The following RORC variants were observed in gnomAD, a reference collection of about 807,000 sequenced individuals.
The protein encoded by RORC is RAR related orphan receptor C.
Under a neutral mutation model 64.5 loss-of-function variants are expected in RORC, and 13 were observed. The observed-to-expected ratio is 0.20, with a 90% CI of 0.13 to 0.32. The LOEUF (loss-of-function observed/expected upper bound fraction) is 0.32, where lower values mean the gene tolerates loss of function less well. Among genes scored for constraint, RORC ranks in the 10% least tolerant of loss-of-function variants. The probability of loss-of-function intolerance (pLI) is 1.00; values close to 1 mark genes in which losing one functional copy is unlikely to be tolerated. For missense variants in RORC, 468 were observed against 669.5 expected (o/e 0.70, Z 3.32); for synonymous variants, 277 against 259.3 (o/e 1.07, Z -0.65).
intron 2 of RORC, among the ~76,000 whole-genome samples, chr1:151,822,128 C>T (rs1652016335): frequency 6.6e-6 from 1 of 152,046 alleles, no homozygotes; most frequent in Non-Finnish European, 1.5e-5. Flanking sequence ...CTCCTCCTCT[C>T]CCCACAGCCA....
chr1:151,810,668 T>C (rs934393553), intron 10 of RORC, among the ~76,000 whole-genome samples: 18 of 152,066 alleles, frequency 1.2e-4, no homozygotes, highest in African/African-American at 4.3e-4. Flanking sequence ...AGTAGCTGGG[T>C]CTACAGGCGC....
chr1:151,813,078 A>G, intron 8 of RORC, 21 bp from the exon 9 acceptor site: 2 of 1,582,566 alleles, frequency 1.3e-6, no homozygotes, highest in Non-Finnish European at 1.7e-6. Flanking sequence ...GGAAATGAGA[A>G]AAGTGAGAGA....
rs1382717202 is a variant in RORC at position 151,810,659 on chromosome 1, G to C, written c.1395+666C>G. Among the ~76,000 whole-genome samples the C allele has an allele frequency of 2.0e-5, 3 of 151,822 alleles. No homozygotes were observed. In the South Asian group the frequency reaches 6.2e-4, roughly 31 times the overall value. ...CGATTATCCTGCCTCAGCCTCCCAA[G>C]TAGCTGGGTCTACAGGCGCCTGCCA... On this transcript the variant is annotated intron_variant, in intron 10 of 10. Transcript: ENST00000318247.
chr1:151,813,106 G>T, intron 8 of RORC, 49 bp from the exon 9 acceptor site: 5 of 1,497,054 alleles, frequency 3.3e-6, no homozygotes, highest in Non-Finnish European at 3.7e-6. Context: ...GAGCGATGGT[G>T]CCCGAGGACA....
chr1:151,826,286 C>T (rs1259269039), intron 2 of RORC, among the ~76,000 whole-genome samples: 5 of 152,166 alleles, frequency 3.3e-5, no homozygotes, highest in Admixed American at 6.5e-5. Context: ...CAGCCACACG[C>T]GGTAAAAGCT....
At chr1:151,813,165 G>C in intron 8 of RORC, 74 bp downstream of exon 8, 1 of 1,499,110 alleles carries the variant, frequency 6.7e-7, no homozygotes, top group Non-Finnish European at 9.3e-7. Flanking sequence ...CCTGAAAAGA[G>C]GGTGCCCTGG....
At chr1:151,809,591 AG>A (rs1362273686) in intron 10 of RORC, among the ~76,000 whole-genome samples, 1 of 152,146 alleles carries the variant, frequency 6.6e-6, no homozygotes, top group Non-Finnish European at 1.5e-5. Context: ...GAGAGCTGGT[AG>A]GGGCCAGGGT....
At position 151,822,884 on chromosome 1, in the gene RORC, A is replaced by T. The variant is rs78973218; in HGVS notation, c.71-5604T>A. On this transcript the variant is annotated intron_variant, in intron 2 of 10. Coordinates refer to ENST00000318247, the MANE Select transcript of RORC (RefSeq NM_005060.4). ...TTCAGAAAGGACTAGCTATATGGGAACAGGAGCGCGGGCCTTGGGCTGCCC... is the reference window on the plus strand; with the variant it reads ...TTCAGAAAGGACTAGCTATATGGGATCAGGAGCGCGGGCCTTGGGCTGCCC... Among the ~76,000 whole-genome samples the T allele has an allele frequency of 3.3e-3, 508 of 152,354 alleles. 14 individuals carry two copies. The highest frequency in any genetic ancestry group is 0.028 in the Admixed American group (428 of 15,310).
rs967688329 is a variant in RORC, at chr1:151,829,328, T to C, written c.70+101A>G. The stretch of plus-strand genomic sequence containing the variant: ...TTGCCTGCCATCTCTTCCTGACTCC[T>C]CCACCTCTGTCCAACCTCAGTCCCC... On this transcript the variant is annotated intron_variant, in intron 2 of 10. Transcript: ENST00000318247. 1.0e-5 allele frequency: 12 copies of C among 1,160,800 alleles called. No individual in the cohort carries two copies. In the African/African-American group the frequency reaches 1.8e-4, roughly 17 times the overall value. The allele number at this position is 1,160,800 out of a possible 1,614,324, so 71.9% of individuals were successfully genotyped here. A position where few individuals can be genotyped will look rare whatever the true frequency, so the allele number is the denominator to read the frequency against.
Position 151,830,780 on chromosome 1 carries a change from CG to C in RORC, c.40+944del, listed in dbSNP as rs1342301298. 1 of 410,256 alleles carries C rather than the reference CG, an allele frequency of 2.4e-6. No homozygotes were observed. Among genetic ancestry groups the C allele is most frequent in the Non-Finnish European group, 4.4e-6 (1 of 228,020 alleles). 25.4% of individuals were successfully genotyped at this position (410,256 alleles called of 1,614,324 possible). ...GGTGAGGGAGGAGAAAAGACTGCCC[CG>C]AGGTGGCAAGGCCCCACCCAGCCCC... On this transcript the variant is annotated intron_variant, in intron 1 of 10. Coordinates refer to ENST00000318247, the MANE Select transcript of RORC (RefSeq NM_005060.4). The surrounding 1 kb of genome is among the most constrained non-coding windows in gnomAD (Gnocchi z 4.0).
intron 2 of RORC, chr1:151,825,813 C>G: frequency 8.0e-7 from 1 of 1,253,070 alleles, no homozygotes; most frequent in African/African-American, 1.5e-5. Flanking sequence ...TGACCTTGAC[C>G]AGGACGCACC....
chr1:151,816,835 C>A lies in RORC; in HGVS notation c.157-30G>T, dbSNP rs763000024. ...GGAAAGCAGGTGGAGGGCAAGACTG[C>A]TTATCCTGGTCAGGCCCAGCTCACT... On this transcript the variant is annotated intron_variant, in intron 3 of 10. Coordinates refer to ENST00000318247, the MANE Select transcript of RORC (RefSeq NM_005060.4). 9 of 1,499,344 alleles carry A rather than the reference C, an allele frequency of 6.0e-6. No homozygotes were observed. The Admixed American group carries it at 1.1e-4, about 18-fold the overall frequency. 92.9% of individuals were successfully genotyped at this position (1,499,344 alleles called of 1,614,324 possible). A position where few individuals can be genotyped will look rare whatever the true frequency, so the allele number is the denominator to read the frequency against.
chr1:151,818,878 C>T (rs182804421), intron 2 of RORC, among the ~76,000 whole-genome samples: 15 of 152,290 alleles, frequency 9.8e-5, no homozygotes, highest in Non-Finnish European at 1.9e-4. Context: ...ATGGCTTGCC[C>T]GCCATTCCCC....
In RORC at chr1:151,830,872, G is replaced by T; in HGVS notation, c.40+853C>A. On this transcript the variant is annotated intron_variant, in intron 1 of 10. Transcript: ENST00000318247. This position sits in a 1 kb window ranked among gnomAD's most constrained non-coding sequence, Gnocchi z 4.0. Reference sequence around the variant, plus strand: ...CTCCCTGACGTGGCACCGGCTCCTGGCCTCTAGCCTTGCACCTCAGAGCAG... The same window carrying T: ...CTCCCTGACGTGGCACCGGCTCCTGTCCTCTAGCCTTGCACCTCAGAGCAG... 4.2e-6 allele frequency: 5 copies of T among 1,178,318 alleles called. No individual in the cohort carries two copies. Among genetic ancestry groups the T allele is most frequent in the Non-Finnish European group, 5.5e-6 (5 of 906,790 alleles). The allele number at this position is 1,178,318 out of a possible 1,614,324, so 73.0% of individuals were successfully genotyped here.
chr1:151,816,584 A>T, intron 4 of RORC, 80 bp downstream of exon 4: 4 of 1,417,258 alleles, frequency 2.8e-6, no homozygotes, highest in Non-Finnish European at 3.8e-6. Flanking sequence ...TTGCAGGTTA[A>T]GCCTTGTCTA....
intron 3 of RORC, 46 bp downstream of exon 3, chr1:151,817,149 T>A (rs1463229090): frequency 1.7e-6 from 2 of 1,144,356 alleles, no homozygotes; most frequent in Non-Finnish European, 2.5e-6. Context: ...CGCGCGCTTG[T>A]GTATGCACAC....
In RORC at chr1:151,816,778, T is replaced by A; in HGVS notation, c.184A>T (p.Asn62Tyr). ...TGACGGGTGCAGGAGTAGGCCGCGT[T>A]ACAGCGCTGGCTCCGGCGGAAGAAG... ...KGFFRRSQRC[N>Y]AAYSCTRQQN... The change falls in exon 4 of 11, where the codon AAC (asparagine) becomes TAC (tyrosine). Residue 62 changes from asparagine to tyrosine, a missense_variant. Transcript: ENST00000318247. 6.4e-7 allele frequency: 1 copy of A among 1,564,698 alleles called. No individual in the cohort carries two copies. The highest frequency in any genetic ancestry group is 8.7e-7 in the Non-Finnish European group (1 of 1,150,964).
rs370206708 is a variant in RORC at position 151,815,770 on chromosome 1, T to A, written c.299-345A>T. 2.0e-5 allele frequency among the ~76,000 whole-genome samples: 3 copies of A among 152,154 alleles called. No homozygotes were observed. The East Asian group carries it at 5.8e-4, about 29-fold the overall frequency. ...GGTGGTCGAGCAGAGGGCCTCAAGC[T>A]GTATTGGGGTCACCTCGCCTCTTTG... On this transcript the variant is annotated intron_variant, in intron 4 of 10. Transcript: ENST00000318247.
At position 151,812,959 on chromosome 1, in the gene RORC, G is replaced by T; in HGVS notation, c.1273C>A (p.Leu425Ile). Residue 425 changes from leucine (L) to isoleucine (I), a missense_variant, in exon 9 of 11, where the codon CTC becomes ATC. Transcript: ENST00000318247. Reference protein sequence around the residue: ...DEIALYTALVLINAHRPGLQE... With the variant: ...DEIALYTALVIINAHRPGLQE... Reference sequence around the variant, plus strand: ...CAGCAACACTCACGGGCATTGATGAGAACAAGGGCTGTGTAGAGGGCAATC... The same window carrying T: ...CAGCAACACTCACGGGCATTGATGATAACAAGGGCTGTGTAGAGGGCAATC... 2 of 1,611,652 alleles carry T rather than the reference G, an allele frequency of 1.2e-6. No homozygotes were observed. The highest frequency in any genetic ancestry group is 2.2e-5 in the South Asian group (2 of 90,986).
Sources: allele counts gnomAD v4.1 joint callset (sites outside exome capture counted in the v4.1 genomes callset), GRCh38; gene constraint gnomAD v4.1.1; non-coding constraint Gnocchi (gnomAD v3.1); transcripts MANE v1.5; gene names NCBI Gene and HGNC (gene_info 2026-07-23, HGNC 2026-07-21).